The following SAMHD1 variants were observed in gnomAD, a reference collection of about 807,000 sequenced individuals.
The protein encoded by SAMHD1 is deoxynucleoside triphosphate triphosphohydrolase SAMHD1.
SAMHD1 carries 54 observed loss-of-function variants against 79.6 expected under a neutral mutation model. The observed-to-expected ratio is 0.68, with a 90% CI of 0.55 to 0.85. The LOEUF (loss-of-function observed/expected upper bound fraction) is 0.85, where lower values mean the gene tolerates loss of function less well. Ranked by LOEUF, SAMHD1 falls within the 40% of genes least tolerant of loss-of-function variation. SAMHD1 has a pLI of 0.00. For missense variants in SAMHD1, 663 were observed against 782.7 expected (o/e 0.85, Z 1.82); for synonymous variants, 260 against 264.1 (o/e 0.98, Z 0.15).
intron 3 of SAMHD1, among the ~76,000 whole-genome samples, chr20:36,937,887 T>G (rs1020519877): frequency 6.1e-5 from 9 of 147,794 alleles, no homozygotes; most frequent in African/African-American, 2.3e-4. Context: ...AGACAGGGTC[T>G]CACTCTGTTG....
intron 1 of SAMHD1, among the ~76,000 whole-genome samples, chr20:36,949,755 C>CAAAAAAAAAA: frequency 1.4e-5 from 1 of 69,822 alleles, no homozygotes; most frequent in Non-Finnish European, 2.5e-5. Context: ...GACTCTGTCT[C>CAAAAAAAAAA]AAAAAAAAAA....
At chr20:36,919,066 G>C (rs1301023487) in intron 7 of SAMHD1, among the ~76,000 whole-genome samples, 1 of 151,982 alleles carries the variant, frequency 6.6e-6, no homozygotes, top group Non-Finnish European at 1.5e-5. Flanking sequence ...AGCCTGGGAG[G>C]TGGAAGTTGC....
rs2063733926 is a variant in SAMHD1, at chr20:36,951,440, G to A, written c.204C>T (p.Ile68=). 3 of 1,613,826 alleles carry A rather than the reference G, an allele frequency of 1.9e-6. No individual in the cohort carries two copies. The highest frequency in any genetic ancestry group is 2.5e-6 in the Non-Finnish European group (3 of 1,179,956). Residue 68 remains isoleucine (I), a synonymous_variant, in exon 1 of 16, where the codon ATC becomes ATT. Coordinates refer to ENST00000646673, the MANE Select transcript of SAMHD1 (RefSeq NM_015474.4). ...GFEEPVLLKN[I]RENEITGALL... ...CAGCCCCTCCGGAGCCGCTACCTCG[G>A]ATGTTCTTCAGCAGCACCGGCTCTT...
Position 36,921,075 on chromosome 20 carries a change from C to A in SAMHD1, c.697-1556G>T, listed in dbSNP as rs150997619. On this transcript the variant is annotated intron_variant, in intron 6 of 15. Coordinates refer to ENST00000646673, the MANE Select transcript of SAMHD1 (RefSeq NM_015474.4). ...CTCCAGCCTGGGCAACAGAGCAAGA[C>A]CTTGTCTCCAAAAAACAACAACAAC... Among the ~76,000 whole-genome samples the A allele has an allele frequency of 4.1e-4, 63 of 151,974 alleles. 2 individuals are homozygous for A. In the East Asian group the frequency reaches 0.012, roughly 30 times the overall value.
At position 36,930,807 on chromosome 20, in the gene SAMHD1, TC is replaced by T. The variant is rs1285980988; in HGVS notation, c.577del (p.Glu193AsnfsTer37). The T allele has an allele frequency of 1.9e-6, 3 of 1,613,954 alleles. No homozygotes were observed. Among genetic ancestry groups the T allele is most frequent in the Non-Finnish European group, 8.5e-7 (1 of 1,179,992 alleles). Reference protein sequence around the residue: ...GEKQPELQISERDVLCVQIAG... With the variant: ...GEKQPELQISXRDVLCVQIAG... ...AATCTGAACACAGAGAACATCTCGT[TC>T]ACTTATCTGCAGCTCTGGTTGTTTT... On this transcript the variant is annotated frameshift_variant, in exon 5 of 16. Transcript: ENST00000646673. LOFTEE classifies it high-confidence loss of function.
intron 6 of SAMHD1, among the ~76,000 whole-genome samples, chr20:36,922,953 C>G (rs1426287041): frequency 6.6e-6 from 1 of 151,572 alleles, no homozygotes; most frequent in Admixed American, 6.6e-5. Flanking sequence ...CTGGTCAAAA[C>G]TTACTTTCTA....
chr20:36,933,663 G>T (rs1188094590), intron 4 of SAMHD1, among the ~76,000 whole-genome samples: 4 of 151,616 alleles, frequency 2.6e-5, no homozygotes, highest in African/African-American at 4.8e-5. Context: ...GCTAATTTTT[G>T]TATTTTTACT....
At chr20:36,909,831 C>T (rs2063426755) in intron 11 of SAMHD1, among the ~76,000 whole-genome samples, 1 of 151,874 alleles carries the variant, frequency 6.6e-6, no homozygotes, top group African/African-American at 2.4e-5. Flanking sequence ...TGTTAAATGG[C>T]CAAGTCAGTT....
At chr20:36,942,187 G>A (rs1363071243) in intron 2 of SAMHD1, among the ~76,000 whole-genome samples, 1 of 152,180 alleles carries the variant, frequency 6.6e-6, no homozygotes, top group Non-Finnish European at 1.5e-5. Flanking sequence ...AGGCCGAGGT[G>A]GGTGGATCAC....
intron 1 of SAMHD1, among the ~76,000 whole-genome samples, chr20:36,950,171 G>A (rs2063724391): frequency 1.3e-5 from 2 of 152,092 alleles, no homozygotes; most frequent in South Asian, 4.1e-4. Flanking sequence ...CATCATTCTG[G>A]AGGGTAACGA....
intron 5 of SAMHD1, among the ~76,000 whole-genome samples, chr20:36,928,258 G>A (rs1283760622): frequency 6.6e-6 from 1 of 151,842 alleles, no homozygotes; most frequent in Non-Finnish European, 1.5e-5. Context: ...GCTTGGTGGC[G>A]GGCACCTGTA....
intron 14 of SAMHD1, 122 bp from the exon 15 acceptor site, chr20:36,898,081 G>C (rs1990230992): frequency 8.3e-7 from 1 of 1,206,404 alleles, no homozygotes; most frequent in Admixed American, 1.7e-5. Flanking sequence ...ACCCAGGCTG[G>C]AGTGCAGTGG....
At chr20:36,907,345 C>T (rs960113903) in intron 11 of SAMHD1, among the ~76,000 whole-genome samples, 40 of 151,800 alleles carry the variant, frequency 2.6e-4, no homozygotes, top group African/African-American at 8.7e-4. Flanking sequence ...ACTGCATCCT[C>T]GACCTCCTGG....
chr20:36,920,860 G>A (rs1406654798), intron 6 of SAMHD1, among the ~76,000 whole-genome samples: 1 of 152,090 alleles, frequency 6.6e-6, no homozygotes, highest in East Asian at 1.9e-4. Context: ...AAAGGTGGGA[G>A]GATTGCTTGA....
intron 1 of SAMHD1, 84 bp downstream of exon 1, chr20:36,951,352 T>A: frequency 6.3e-7 from 1 of 1,588,746 alleles, no homozygotes; most frequent in African/African-American, 1.3e-5. Flanking sequence ...GCCTCGGTCC[T>A]CTCGTGGGGC....
chr20:36,898,928 A>AAAAG (rs1568759713), intron 13 of SAMHD1, among the ~76,000 whole-genome samples: 2 of 150,682 alleles, frequency 1.3e-5, no homozygotes, highest in South Asian at 2.1e-4. Context: ...AAAAAAAAAA[A>AAAAG]AAAGAAAGAA....
intron 7 of SAMHD1, among the ~76,000 whole-genome samples, chr20:36,917,435 C>T (rs1411315596): frequency 6.6e-6 from 1 of 152,074 alleles, no homozygotes; most frequent in African/African-American, 2.4e-5. Flanking sequence ...GGGCGGATCA[C>T]GAGGTCTGGA....
At chr20:36,899,595 G>A (rs1174809328) in intron 13 of SAMHD1, among the ~76,000 whole-genome samples, 5 of 152,132 alleles carry the variant, frequency 3.3e-5, no homozygotes, top group African/African-American at 4.8e-5. Flanking sequence ...GAGAATGACC[G>A]GAAACATTTT....
At chr20:36,908,842 G>A (rs2063420274) in intron 11 of SAMHD1, among the ~76,000 whole-genome samples, 1 of 152,098 alleles carries the variant, frequency 6.6e-6, no homozygotes, top group Non-Finnish European at 1.5e-5. Flanking sequence ...GAGTGATTAG[G>A]CTGTGTCTTA....
Sources: allele counts gnomAD v4.1 joint callset (sites outside exome capture counted in the v4.1 genomes callset), GRCh38; gene constraint gnomAD v4.1.1; transcripts MANE v1.5; gene names NCBI Gene and HGNC (gene_info 2026-07-23, HGNC 2026-07-21).